Variants in SEMA6D observed in about 807,000 individuals in gnomAD.
SEMA6D encodes the protein semaphorin 6D.
Under a neutral mutation model 106.6 loss-of-function variants are expected in SEMA6D, and 35 were observed. The observed-to-expected ratio is 0.33, with a 90% CI of 0.25 to 0.44. SEMA6D has a LOEUF of 0.44. Ranked by LOEUF, SEMA6D falls within the 20% of genes least tolerant of loss-of-function variation. The pLI is 1.00. For synonymous variants in SEMA6D, 499 were observed against 487.7 expected (o/e 1.02, Z -0.31); for missense variants, 1,185 against 1,345.9 (o/e 0.88, Z 1.87).
chr15:47,549,336 T>G (rs1230063837), intron 3 of SEMA6D, among the ~76,000 whole-genome samples: 2 of 152,122 alleles, frequency 1.3e-5, no homozygotes, highest in African/African-American at 4.8e-5. Flanking sequence ...GATGTGACCC[T>G]GAGGGTCCCA....
At chr15:47,337,615 G>A (rs542351641) in intron 1 of SEMA6D, among the ~76,000 whole-genome samples, 1 of 152,188 alleles carries the variant, frequency 6.6e-6, no homozygotes, top group Non-Finnish European at 1.5e-5. Flanking sequence ...AATGGGCAGA[G>A]AGATATGCTC....
In SEMA6D at chr15:47,675,853, G is replaced by A. The variant is rs1352350140; in HGVS notation, c.-55+74957G>A. 4.0e-5 allele frequency among the ~76,000 whole-genome samples: 6 copies of A among 151,650 alleles called. No homozygotes were observed. The South Asian group carries it at 6.3e-4, about 16-fold the overall frequency. On this transcript the variant is annotated intron_variant, in intron 4 of 19. Coordinates refer to the SEMA6D transcript ENST00000558014. ...ATGTGCCCTGTACTGCAGGGAAGCT[G>A]GCCCCTGTAGCTTGTATTGCTCTGG...
At chr15:47,188,338 A>C (rs775256370) in intron 1 of SEMA6D, among the ~76,000 whole-genome samples, 10 of 152,156 alleles carry the variant, frequency 6.6e-5, no homozygotes, top group Admixed American at 2.6e-4. Flanking sequence ...TTTGAATTAG[A>C]TTTTTATTTT....
intron 4 of SEMA6D, among the ~76,000 whole-genome samples, chr15:47,627,812 C>A (rs2077228659): frequency 1.3e-5 from 2 of 151,994 alleles, no homozygotes; most frequent in African/African-American, 2.4e-5. Context: ...GCAGGGACTC[C>A]TCCTATTACC....
intron 3 of SEMA6D, among the ~76,000 whole-genome samples, chr15:47,577,481 G>A (rs1288807047): frequency 6.6e-6 from 1 of 152,218 alleles, no homozygotes; most frequent in Admixed American, 6.5e-5. Context: ...ATGGGAGGCT[G>A]GAATTTATGG....
chr15:47,389,378 T>C (rs1228086212), intron 1 of SEMA6D, among the ~76,000 whole-genome samples: 1 of 152,180 alleles, frequency 6.6e-6, no homozygotes, highest in African/African-American at 2.4e-5. Flanking sequence ...AAGGTATTTC[T>C]TCCACATTTC....
At chr15:47,608,623 A>G (rs1229313945) in intron 4 of SEMA6D, among the ~76,000 whole-genome samples, 1 of 152,186 alleles carries the variant, frequency 6.6e-6, no homozygotes, top group Non-Finnish European at 1.5e-5. Flanking sequence ...ATATTTGGGT[A>G]TGAACATATA....
chr15:47,635,715 A>G (rs1252895040), intron 4 of SEMA6D, among the ~76,000 whole-genome samples: 3 of 152,044 alleles, frequency 2.0e-5, no homozygotes, highest in African/African-American at 4.8e-5. Flanking sequence ...TGGTATCTGG[A>G]GAATCAGTTG....
rs759175338 is a variant in SEMA6D at position 47,770,776 on chromosome 15, A to G, written c.2213A>G (p.Tyr738Cys). The G allele has an allele frequency of 9.9e-6, 16 of 1,613,978 alleles. No homozygotes were observed. Among genetic ancestry groups the G allele is most frequent in the African/African-American group, 2.7e-5 (2 of 74,930 alleles). ...YQQNIDSPKL[Y>C]SNLLTSRKEL... ...CAGAATATTGATTCTCCTAAACTGTATAGTAACCTGCTAACCAGTCGGAAA... is the reference window on the plus strand; with the variant it reads ...CAGAATATTGATTCTCCTAAACTGTGTAGTAACCTGCTAACCAGTCGGAAA... Residue 738 changes from tyrosine (Y) to cysteine (C), a missense_variant, in exon 19 of 19, where the codon TAT becomes TGT. This residue lies in a region of SEMA6D where 750 missense variants were observed against 783.5 expected (regional missense o/e 0.96). Transcript: ENST00000536845.
chr15:47,466,891 T>C (rs998862198), intron 2 of SEMA6D, among the ~76,000 whole-genome samples: 56 of 121,294 alleles, frequency 4.6e-4, no homozygotes, highest in Admixed American at 3.3e-3. Context: ...CACGCCTGGC[T>C]TTTTTTTTTT....
chr15:47,583,865 G>C (rs935931861), intron 3 of SEMA6D, among the ~76,000 whole-genome samples: 17 of 152,170 alleles, frequency 1.1e-4, no homozygotes, highest in African/African-American at 4.1e-4. Flanking sequence ...GTTACTGGGA[G>C]AGTCGGGTTC....
chr15:47,335,794 A>T (rs1039079078), intron 1 of SEMA6D, among the ~76,000 whole-genome samples: 1 of 152,178 alleles, frequency 6.6e-6, no homozygotes, highest in African/African-American at 2.4e-5. Flanking sequence ...GCAGGGTAGA[A>T]ATATTTAACT....
Position 47,759,593 on chromosome 15 carries a change from G to A in SEMA6D, c.-54-152G>A, listed in dbSNP as rs888546952. ...CCTGGCATGTTGCCATCTTTTGCCT[G>A]TGTTTTTGGCGATACCTGATCTACC... On this transcript the variant is annotated intron_variant, in intron 1 of 18. Coordinates refer to ENST00000536845, the MANE Select transcript of SEMA6D (RefSeq NM_001358351.3). 4 of 580,816 alleles carry A rather than the reference G, an allele frequency of 6.9e-6. No individual in the cohort carries two copies. In the African/African-American group the frequency reaches 7.5e-5, roughly 11 times the overall value. 36.0% of individuals were successfully genotyped at this position (580,816 alleles called of 1,614,324 possible).
At chr15:47,741,206 A>G (rs898941044) in intron 1 of SEMA6D, among the ~76,000 whole-genome samples, 4 of 152,192 alleles carry the variant, frequency 2.6e-5, no homozygotes, top group Non-Finnish European at 4.4e-5. Context: ...TTGAAGTCAA[A>G]CTGGCTTAAG....
chr15:47,554,155 A>G (rs1566884779), intron 3 of SEMA6D, among the ~76,000 whole-genome samples: 2 of 152,216 alleles, frequency 1.3e-5, no homozygotes, highest in African/African-American at 2.4e-5. Flanking sequence ...GGAAGATTGG[A>G]TTACTTGCTC....
chr15:47,241,352 C>T (rs975445070), intron 1 of SEMA6D: 20 of 152,116 alleles, frequency 1.3e-4, no homozygotes, highest in African/African-American at 2.2e-4. Flanking sequence ...TACAGCTGTT[C>T]GCATTTGCAG....
In SEMA6D at chr15:47,303,153, G is replaced by C. The variant is rs1300148522; in HGVS notation, c.-238-109240G>C. ...ACAGGAGCAAAAGTATGCCTAACAA[G>C]ATGTCTAAAGATACGTAGAAACAGA... On this transcript the variant is annotated intron_variant, in intron 1 of 19. Coordinates refer to the SEMA6D transcript ENST00000558014. Among the ~76,000 whole-genome samples the C allele has an allele frequency of 4.6e-5, 7 of 152,314 alleles. No homozygotes were observed. The East Asian group carries it at 9.7e-4, about 21-fold the overall frequency.
chr15:47,427,208 G>T (rs2041369384), intron 2 of SEMA6D, among the ~76,000 whole-genome samples: 1 of 152,102 alleles, frequency 6.6e-6, no homozygotes, highest in Non-Finnish European at 1.5e-5. Context: ...GATCAGCATT[G>T]CCCATCCTGT....
At chr15:47,618,363 T>G (rs1035938690) in intron 4 of SEMA6D, among the ~76,000 whole-genome samples, 1 of 152,206 alleles carries the variant, frequency 6.6e-6, no homozygotes, top group African/African-American at 2.4e-5. Context: ...AGGACTGCCC[T>G]GGAAAGCAAA....
Sources: allele counts gnomAD v4.1 joint callset (sites outside exome capture counted in the v4.1 genomes callset), GRCh38; gene constraint gnomAD v4.1.1; regional missense constraint gnomAD v4.1.1; transcripts MANE v1.5; gene names NCBI Gene and HGNC (gene_info 2026-07-23, HGNC 2026-07-21).